The following DLG4 variants were observed in gnomAD, a reference collection of about 807,000 sequenced individuals.
DLG4 encodes discs large MAGUK scaffold protein 4.
A neutral mutation model predicts 93.8 loss-of-function variants in DLG4; 7 were observed. The ratio of observed to expected loss-of-function variants is 0.07; its 90% CI spans 0.04 to 0.14. The LOEUF is 0.14. Among genes scored for constraint, DLG4 ranks in the 10% least tolerant of loss-of-function variants. The pLI, the probability that DLG4 is intolerant of heterozygous loss-of-function variation, is 1.00. For missense variants in DLG4, 545 were observed against 992.9 expected (o/e 0.55, Z 6.06); for synonymous variants, 341 against 387.6 (o/e 0.88, Z 1.41).
intron 19 of DLG4, 66 bp from the exon 20 acceptor site, chr17:7,190,880 T>C: frequency 7.4e-7 from 1 of 1,359,126 alleles, no homozygotes; most frequent in East Asian, 2.3e-5. Flanking sequence ...CCAAGGGGGT[T>C]GCACCAGCCC....
Position 7,202,625 on chromosome 17 carries a change from G to A in DLG4, c.787+278C>T, listed in dbSNP as rs2070204086. On this transcript the variant is annotated intron_variant, in intron 8 of 19. Coordinates refer to ENST00000399506, the MANE Select transcript of DLG4 (RefSeq NM_001321075.3). ...TTTTATCTTTTCCTGTACTCTGGAAGAGCAGAAGAATTATCTATTCCTTGA... is the reference window on the plus strand; with the variant it reads ...TTTTATCTTTTCCTGTACTCTGGAAAAGCAGAAGAATTATCTATTCCTTGA... 7 of 521,906 alleles carry A rather than the reference G, an allele frequency of 1.3e-5. No homozygotes were observed. In the East Asian group the frequency reaches 2.0e-4, roughly 15 times the overall value. 32.3% of individuals were successfully genotyped at this position (521,906 alleles called of 1,614,324 possible).
At position 7,196,446 on chromosome 17, in the gene DLG4, C is replaced by T; in HGVS notation, c.1186+27G>A. 6.2e-7 allele frequency: 1 copy of T among 1,613,190 alleles called. No individual in the cohort carries two copies. The highest frequency in any genetic ancestry group is 8.5e-7 in the Non-Finnish European group (1 of 1,179,146). ...GAGTTCTAAGGGCCATTTCAGCTCA[C>T]AAGACAAGGAACTTCCGGCCTGGTA... is the stretch of plus-strand genomic sequence containing the variant. On this transcript the variant is annotated intron_variant, in intron 10 of 19. Transcript: ENST00000399506. The surrounding 1 kb of genome is among the most constrained non-coding windows in gnomAD (Gnocchi z 8.3).
At position 7,193,258 on chromosome 17, in the gene DLG4, G is replaced by A; in HGVS notation, c.1694-141C>T. 1 of 1,295,842 alleles carries A rather than the reference G, an allele frequency of 7.7e-7. No individual in the cohort carries two copies. Among genetic ancestry groups the A allele is most frequent in the Non-Finnish European group, 1.1e-6 (1 of 924,316 alleles). 80.3% of individuals were successfully genotyped at this position (1,295,842 alleles called of 1,614,324 possible). On this transcript the variant is annotated intron_variant, in intron 16 of 19. Transcript: ENST00000399506. This position sits in a 1 kb window ranked among gnomAD's most constrained non-coding sequence, Gnocchi z 6.7. The stretch of plus-strand genomic sequence containing the variant: ...TGCCAGGGAGACCAAGACTGCAGAG[G>A]GCCAGAACCGCTTCCCCTAGCACCC...
At chr17:7,206,851 C>A (rs775032448) in intron 2 of DLG4, among the ~76,000 whole-genome samples, 5 of 152,142 alleles carry the variant, frequency 3.3e-5, no homozygotes, top group Non-Finnish European at 7.4e-5. Context: ...TGTCAGCAAC[C>A]TCCCCCTTCC....
At chr17:7,205,890 C>T (rs2070442945) in intron 2 of DLG4, among the ~76,000 whole-genome samples, 1 of 151,582 alleles carries the variant, frequency 6.6e-6, no homozygotes, top group Non-Finnish European at 1.5e-5. Flanking sequence ...ACCTCCTTCC[C>T]AGCACACCCA....
At chr17:7,217,684 C>A, upstream of DLG4, 1 of 1,521,488 alleles carries the variant, frequency 6.6e-7, no homozygotes, top group Non-Finnish European at 8.8e-7. Flanking sequence ...GGGGGGGTGC[C>A]TTGGCAGAGT....
chr17:7,217,478 G>A lies in DLG4; in HGVS notation c.-331C>T. Reference sequence around the variant, plus strand: ...GGGGCATGAGCTGGGGTGGGGGAGGGGAACTGGATTTCGGGGAGCCCCGGG... The same window carrying A: ...GGGGCATGAGCTGGGGTGGGGGAGGAGAACTGGATTTCGGGGAGCCCCGGG... On this transcript the variant is annotated 5_prime_UTR_variant, in exon 1 of 20. Coordinates refer to ENST00000399506, the MANE Select transcript of DLG4 (RefSeq NM_001321075.3). 1 of 392,230 alleles carries A rather than the reference G, an allele frequency of 2.5e-6. No homozygotes were observed. Among genetic ancestry groups the A allele is most frequent in the Middle Eastern group, 8.3e-4 (1 of 1,198 alleles). 24.3% of individuals were successfully genotyped at this position (392,230 alleles called of 1,614,324 possible).
intron 2 of DLG4, 200 bp from the exon 3 acceptor site, chr17:7,204,452 C>A: frequency 1.8e-6 from 1 of 567,266 alleles, no homozygotes. Flanking sequence ...CGCACACACA[C>A]GCACAGATGC....
chr17:7,193,238 G>A lies in DLG4; in HGVS notation c.1694-121C>T, dbSNP rs2069593416. ...GTCCTTTGGTGAAAGGGAGCTGCCA[G>A]GGAGACCAAGACTGCAGAGGGCCAG... is the stretch of plus-strand genomic sequence containing the variant. On this transcript the variant is annotated intron_variant, in intron 16 of 19. Coordinates refer to ENST00000399506, the MANE Select transcript of DLG4 (RefSeq NM_001321075.3). The surrounding 1 kb of genome is among the most constrained non-coding windows in gnomAD (Gnocchi z 6.7). 7.0e-7 allele frequency: 1 copy of A among 1,427,100 alleles called. No homozygotes were observed. Among genetic ancestry groups the A allele is most frequent in the African/African-American group, 1.4e-5 (1 of 71,486 alleles). 88.4% of individuals were successfully genotyped at this position (1,427,100 alleles called of 1,614,324 possible).
At chr17:7,202,761 C>T in intron 8 of DLG4, 142 bp downstream of exon 8, 1 of 1,023,546 alleles carries the variant, frequency 9.8e-7, no homozygotes, top group Non-Finnish European at 1.4e-6. Context: ...CATCTCTTCT[C>T]CAACAACAGC....
At chr17:7,216,391 G>A (rs2070917572) in intron 1 of DLG4, among the ~76,000 whole-genome samples, 1 of 152,070 alleles carries the variant, frequency 6.6e-6, no homozygotes, top group Non-Finnish European at 1.5e-5. Context: ...CTCCTCAGGG[G>A]CTGGCAAGCT....
upstream of DLG4, chr17:7,219,887 T>C (rs2071097521): frequency 1.9e-6 from 3 of 1,542,504 alleles, no homozygotes; most frequent in Non-Finnish European, 2.6e-6. Context: ...CGGTGCACTG[T>C]GGACGATGAG....
chr17:7,217,171 C>T lies in DLG4; in HGVS notation c.-24G>A. The stretch of plus-strand genomic sequence containing the variant: ...ATGTTGGGGGGCCTGGCCGCGGCGG[C>T]GGGTAAGGGGCTCTGACTTCATCGG... On this transcript the variant is annotated 5_prime_UTR_variant, in exon 1 of 20. Transcript: ENST00000399506. The T allele has an allele frequency of 7.8e-7, 1 of 1,283,442 alleles. No individual in the cohort carries two copies. Among genetic ancestry groups the T allele is most frequent in the Non-Finnish European group, 9.9e-7 (1 of 1,011,386 alleles). 79.5% of individuals were successfully genotyped at this position (1,283,442 alleles called of 1,614,324 possible).
At chr17:7,199,423 A>G (rs1361451198) in intron 8 of DLG4, among the ~76,000 whole-genome samples, 3 of 151,162 alleles carry the variant, frequency 2.0e-5, no homozygotes, top group African/African-American at 7.3e-5. Flanking sequence ...CTGGTCTCGA[A>G]CTCCTGACCT....
At position 7,196,918 on chromosome 17, in the gene DLG4, G is replaced by C. The variant is rs2142846235; in HGVS notation, c.922C>G (p.Pro308Ala). ...ATCACAATTCGCCTCGGTTCTCGGG[G>C]AATGTCTTCCTCCCCGAGCAGGTCC... ...AKDLLGEEDI[P>A]REPRRIVIHR... Residue 308 changes from proline to alanine, a missense_variant, in exon 9 of 20, where the codon CCC becomes GCC. By Grantham distance (27) the Pro-to-Ala change is conservative. Around this residue, in one of 5 missense-constraint regions of DLG4, gnomAD observed 428 missense variants for 741.4 expected, o/e 0.58. Coordinates refer to ENST00000399506, the MANE Select transcript of DLG4 (RefSeq NM_001321075.3). This position sits in a 1 kb window ranked among gnomAD's most constrained non-coding sequence, Gnocchi z 8.3. 6.2e-7 allele frequency: 1 copy of C among 1,613,878 alleles called. No individual in the cohort carries two copies. Among genetic ancestry groups the C allele is most frequent in the East Asian group, 2.2e-5 (1 of 44,878 alleles).
At chr17:7,200,557 GT>G (rs1192283404) in intron 8 of DLG4, among the ~76,000 whole-genome samples, 1 of 141,940 alleles carries the variant, frequency 7.0e-6, no homozygotes, top group East Asian at 2.0e-4. Context: ...TTTTTTTGTC[GT>G]TTTTTGAGAC....
At chr17:7,214,474 T>C (rs1473530892) in intron 1 of DLG4, among the ~76,000 whole-genome samples, 1 of 150,860 alleles carries the variant, frequency 6.6e-6, no homozygotes, top group Non-Finnish European at 1.5e-5. Context: ...TCGCCCACAC[T>C]GTCCCTCCGC....
chr17:7,219,437 G>C (rs866981945), upstream of DLG4: 4 of 1,017,822 alleles, frequency 3.9e-6, no homozygotes, highest in South Asian at 1.1e-4. Flanking sequence ...AAGAGTTAGT[G>C]AATGGCCTAC....
Position 7,196,811 on chromosome 17 carries a change from G to C in DLG4, c.1029C>G (p.Ala343=), listed in dbSNP as rs144783345. ...GEGIFISFIL[A]GGPADLSGEL... ...CCCCACTGAGGTCTGCAGGGCCCCC[G>C]GCCAGGATAAAGGAGATGAAGATGC... The change falls in exon 9 of 20, where the codon GCC becomes GCG. Residue 343 remains alanine, a synonymous_variant. Transcript: ENST00000399506. The surrounding 1 kb of genome is among the most constrained non-coding windows in gnomAD (Gnocchi z 8.3). 1 of 1,612,370 alleles carries C rather than the reference G, an allele frequency of 6.2e-7. No homozygotes were observed. The highest frequency in any genetic ancestry group is 8.5e-7 in the Non-Finnish European group (1 of 1,179,306).
Sources: allele counts gnomAD v4.1 joint callset (sites outside exome capture counted in the v4.1 genomes callset), GRCh38; gene constraint gnomAD v4.1.1; regional missense constraint gnomAD v4.1.1; non-coding constraint Gnocchi (gnomAD v3.1); transcripts MANE v1.5; gene names NCBI Gene and HGNC (gene_info 2026-07-23, HGNC 2026-07-21).